Variants in AFF2 observed in about 807,000 individuals in gnomAD.
AFF2 encodes the protein AF4/FMR2 family member 2.
AFF2 carries 14 observed loss-of-function variants against 76.9 expected under a neutral mutation model. The ratio of observed to expected loss-of-function variants is 0.18; its 90% CI spans 0.12 to 0.28. The LOEUF is 0.28. Among genes scored for constraint, AFF2 ranks in the 10% least tolerant of loss-of-function variants. AFF2 has a pLI of 1.00. For missense variants in AFF2, 868 were observed against 1,001.1 expected (o/e 0.87, Z 1.79); for synonymous variants, 398 against 366.7 (o/e 1.09, Z -0.98).
intron 7 of AFF2, among the ~76,000 whole-genome samples, chrX:148,847,883 G>A (rs782383218): frequency 8.9e-6 from 1 of 112,203 alleles, no homozygotes; most frequent in South Asian, 3.8e-4. Flanking sequence ...GATGAGCAAA[G>A]TAAAGCTAGA....
chrX:148,811,996 T>C (rs1355590970), intron 4 of AFF2, among the ~76,000 whole-genome samples: 1 of 110,843 alleles, frequency 9.0e-6, no homozygotes, highest in Non-Finnish European at 1.9e-5. Context: ...TTTTTTTTTT[T>C]CCAACAACGC....
At chrX:148,903,719 A>G (rs1158933194) in intron 8 of AFF2, among the ~76,000 whole-genome samples, 1 of 111,722 alleles carries the variant, frequency 9.0e-6, no homozygotes, top group Non-Finnish European at 1.9e-5. Context: ...TGATTTTAGA[A>G]AGGGACACTC....
chrX:148,848,782 G>A (rs191595611), intron 7 of AFF2, among the ~76,000 whole-genome samples: 1 of 112,273 alleles, frequency 8.9e-6, no homozygotes, highest in East Asian at 2.8e-4. Flanking sequence ...TTTACTAGTT[G>A]CAGACATTTT....
chrX:148,645,307 G>A (rs1411974988), intron 1 of AFF2, among the ~76,000 whole-genome samples: 2 of 112,075 alleles, frequency 1.8e-5, no homozygotes, highest in Admixed American at 1.9e-4. Flanking sequence ...ACTATCATAT[G>A]TAACCTTTAC....
At chrX:148,688,683 G>A (rs1383386738) in intron 3 of AFF2, among the ~76,000 whole-genome samples, 1 of 111,232 alleles carries the variant, frequency 9.0e-6, no homozygotes, top group African/African-American at 3.3e-5. Flanking sequence ...TGCATCATTA[G>A]ACAATTTATC....
intron 1 of AFF2, among the ~76,000 whole-genome samples, chrX:148,517,656 T>C (rs782191444): frequency 8.5e-4 from 95 of 111,772 alleles, no homozygotes; most frequent in Middle Eastern, 4.6e-3. Flanking sequence ...TATTGATTAG[T>C]TATTATAAAA....
At chrX:148,779,978 A>C (rs1557268943) in intron 3 of AFF2, among the ~76,000 whole-genome samples, 2 of 111,750 alleles carry the variant, frequency 1.8e-5, no homozygotes, top group African/African-American at 6.5e-5. Flanking sequence ...CTTGTCTGTA[A>C]AGCATTTTAT....
chrX:148,871,263 G>A (rs2070971242), intron 7 of AFF2, among the ~76,000 whole-genome samples: 2 of 110,968 alleles, frequency 1.8e-5, no homozygotes, highest in South Asian at 7.9e-4. Context: ...CCTTACTGTG[G>A]GAGTTACATA....
intron 9 of AFF2, among the ~76,000 whole-genome samples, chrX:148,926,623 G>A (rs782651049): frequency 8.9e-6 from 1 of 111,980 alleles, no homozygotes; most frequent in East Asian, 2.8e-4. Context: ...AATACAGAGT[G>A]GAATTTATAG....
At chrX:148,980,623 C>A in intron 18 of AFF2, 115 bp from the exon 19 acceptor site, 1 of 536,107 alleles carries the variant, frequency 1.9e-6, no homozygotes. Flanking sequence ...GCTCTGCATC[C>A]CGAAATGCTG....
intron 3 of AFF2, among the ~76,000 whole-genome samples, chrX:148,696,531 C>G (rs1279765239): frequency 9.0e-6 from 1 of 111,414 alleles, no homozygotes. Context: ...TGGTTAACTC[C>G]AAAATGTGCA....
At chrX:148,596,434 G>C (rs1181635087) in intron 1 of AFF2, among the ~76,000 whole-genome samples, 1 of 111,784 alleles carries the variant, frequency 8.9e-6, no homozygotes, top group Non-Finnish European at 1.9e-5. Context: ...CTTTCATCTA[G>C]CCAGGTCTCT....
intron 13 of AFF2, among the ~76,000 whole-genome samples, chrX:148,964,534 A>AGT (rs2124380757): frequency 8.9e-6 from 1 of 112,127 alleles, no homozygotes; most frequent in East Asian, 2.8e-4. Flanking sequence ...GAAATAAGCC[A>AGT]GACACCAAAG....
chrX:148,710,389 T>C (rs1474563915), intron 3 of AFF2, among the ~76,000 whole-genome samples: 2 of 112,114 alleles, frequency 1.8e-5, no homozygotes, highest in Non-Finnish European at 3.8e-5. Context: ...GCAATACTTA[T>C]AATTTTTCTA....
At chrX:148,979,005 A>G (rs1557290599) in intron 18 of AFF2, among the ~76,000 whole-genome samples, 1 of 111,886 alleles carries the variant, frequency 8.9e-6, no homozygotes, top group African/African-American at 3.3e-5. Flanking sequence ...TTATAAGCAC[A>G]AAAAATATAG....
At chrX:148,879,201 G>A (rs1557278205) in intron 7 of AFF2, among the ~76,000 whole-genome samples, 1 of 111,958 alleles carries the variant, frequency 8.9e-6, no homozygotes, top group African/African-American at 3.2e-5. Context: ...AGCACTGTAG[G>A]CTGTCAGGCT....
chrX:148,956,527 C>G lies in AFF2; in HGVS notation c.2482C>G (p.His828Asp). The G allele has an allele frequency of 8.3e-7, 1 of 1,211,782 alleles. No individual in the cohort carries two copies. The highest frequency in any genetic ancestry group is 1.7e-5 in the African/African-American group (1 of 57,828). Residue 828 changes from histidine to aspartate, a missense_variant, in exon 11 of 21, where the codon CAC becomes GAC. His to Asp is a moderately conservative substitution (Grantham distance 81). Transcript: ENST00000370460. ...CCATGCAGCACCTGCCAAGCCAGAC[C>G]ACAAGGAGACTGCCACAAAACCCAA... ...SLHAAPAKPD[H>D]KETATKPKRQ...
chrX:148,882,287 C>G (rs1479797441), intron 7 of AFF2, among the ~76,000 whole-genome samples: 2 of 111,829 alleles, frequency 1.8e-5, no homozygotes, highest in African/African-American at 6.5e-5. Context: ...TTGGTCCATT[C>G]CATCTCATCC....
At chrX:148,907,536 A>G (rs2071420920) in intron 9 of AFF2, among the ~76,000 whole-genome samples, 1 of 111,526 alleles carries the variant, frequency 9.0e-6, no homozygotes, top group Non-Finnish European at 1.9e-5. Context: ...GGGACATCAC[A>G]TGTCAACAGG....
Sources: allele counts gnomAD v4.1 joint callset (sites outside exome capture counted in the v4.1 genomes callset), GRCh38; gene constraint gnomAD v4.1.1; transcripts MANE v1.5; gene names NCBI Gene and HGNC (gene_info 2026-07-23, HGNC 2026-07-21).